The following TMEM132D variants were observed in gnomAD, a reference collection of about 807,000 sequenced individuals.
TMEM132D encodes transmembrane protein 132D.
Under a neutral mutation model 62.3 loss-of-function variants are expected in TMEM132D, and 21 were observed. The observed-to-expected ratio is 0.34, with a 90% CI of 0.24 to 0.49. The LOEUF is 0.49. Ranked by LOEUF, TMEM132D falls within the 20% of genes least tolerant of loss-of-function variation. The pLI is 0.99. For missense variants in TMEM132D, 1,346 were observed against 1,402.8 expected, an observed-to-expected ratio of 0.96 and a Z score of 0.65; for synonymous variants, 621 against 575.6, an observed-to-expected ratio of 1.08 and a Z score of -1.13.
intron 2 of TMEM132D, among the ~76,000 whole-genome samples, chr12:129,594,222 G>A (rs1402815042): frequency 6.6e-6 from 1 of 152,272 alleles, no homozygotes; most frequent in East Asian, 1.9e-4. Context: ...AAGCTGATTT[G>A]GCTTAGCAAC....
At chr12:129,700,840 C>A in intron 1 of TMEM132D, 142 bp from the exon 2 acceptor site, 1 of 923,476 alleles carries the variant, frequency 1.1e-6, no homozygotes, top group Non-Finnish European at 1.6e-6. Context: ...CCTCTTAATC[C>A]AATCTACTCG....
At chr12:129,139,087 G>A (rs1299664784) in intron 5 of TMEM132D, among the ~76,000 whole-genome samples, 3 of 152,192 alleles carry the variant, frequency 2.0e-5, no homozygotes, top group African/African-American at 7.2e-5. Flanking sequence ...GGCGCACAGG[G>A]AGTAGGAGTG....
intron 4 of TMEM132D, among the ~76,000 whole-genome samples, chr12:129,220,734 C>T (rs1330755229): frequency 6.6e-6 from 1 of 152,084 alleles, no homozygotes; most frequent in Non-Finnish European, 1.5e-5. Context: ...CCACCACAGA[C>T]TAAATTTGAG....
chr12:129,675,268 T>G (rs1185839882), intron 2 of TMEM132D, among the ~76,000 whole-genome samples: 1 of 150,476 alleles, frequency 6.6e-6, no homozygotes, highest in East Asian at 2.0e-4. Context: ...CAAACTAACA[T>G]AGGAACAGAA....
At chr12:129,237,783 A>G (rs1308848773) in intron 4 of TMEM132D, among the ~76,000 whole-genome samples, 1 of 152,116 alleles carries the variant, frequency 6.6e-6, no homozygotes, top group Non-Finnish European at 1.5e-5. Flanking sequence ...GTTTGAGACC[A>G]GCCTGGCCAA....
At chr12:129,151,216 C>T (rs916957955) in intron 5 of TMEM132D, among the ~76,000 whole-genome samples, 3 of 152,168 alleles carry the variant, frequency 2.0e-5, no homozygotes, top group South Asian at 2.1e-4. Flanking sequence ...TCTGCCACAG[C>T]GATCCAGAGG....
At chr12:129,440,955 TC>T (rs1872919994) in intron 3 of TMEM132D, among the ~76,000 whole-genome samples, 1 of 152,202 alleles carries the variant, frequency 6.6e-6, no homozygotes, top group South Asian at 2.1e-4. Flanking sequence ...CGGATTTGCA[TC>T]CATTATTATG....
chr12:129,193,373 C>A (rs1007068924), intron 5 of TMEM132D, among the ~76,000 whole-genome samples: 2 of 151,728 alleles, frequency 1.3e-5, no homozygotes, highest in African/African-American at 4.8e-5. Context: ...GTAAATAATT[C>A]TCCATCGCAG....
intron 5 of TMEM132D, among the ~76,000 whole-genome samples, chr12:129,194,639 C>A (rs892893157): frequency 5.9e-5 from 9 of 152,154 alleles, no homozygotes; most frequent in African/African-American, 2.2e-4. Flanking sequence ...AAACATTATC[C>A]ATTAATTCAG....
At chr12:129,768,619 G>C (rs4760010) in intron 1 of TMEM132D, among the ~76,000 whole-genome samples, 146,342 of 152,190 alleles carry the variant, frequency 0.96, 70,620 homozygotes, top group East Asian at 1. Context: ...TACATCATCA[G>C]TTCAAGACCT....
chr12:129,077,534 ACAAACACATG>A (rs570030738), intron 8 of TMEM132D, among the ~76,000 whole-genome samples: 157 of 152,274 alleles, frequency 1.0e-3, no homozygotes, highest in African/African-American at 3.7e-3. Context: ...GTATCCACAT[ACAAACACATG>A]CATCACACAC....
intron 8 of TMEM132D, among the ~76,000 whole-genome samples, chr12:129,077,850 A>G (rs1468977556): frequency 6.9e-6 from 1 of 145,938 alleles, no homozygotes; most frequent in Non-Finnish European, 1.6e-5. Flanking sequence ...AACACAAAAT[A>G]CTGACACAAG....
chr12:129,313,123 C>A (rs1334992322), intron 4 of TMEM132D, among the ~76,000 whole-genome samples: 1 of 152,058 alleles, frequency 6.6e-6, no homozygotes, highest in African/African-American at 2.4e-5. Context: ...AACTGTTGAA[C>A]CTGGGGTTCA....
chr12:129,207,734 C>T (rs769146227), intron 5 of TMEM132D, among the ~76,000 whole-genome samples: 7 of 150,140 alleles, frequency 4.7e-5, no homozygotes, highest in Non-Finnish European at 1.0e-4. Flanking sequence ...TTGGCTTTTA[C>T]TGTGAGGAGG....
intron 2 of TMEM132D, among the ~76,000 whole-genome samples, chr12:129,677,978 G>A (rs1473715201): frequency 6.6e-6 from 1 of 151,980 alleles, no homozygotes; most frequent in East Asian, 1.9e-4. Context: ...TACAGAGATT[G>A]CTCATTGATG....
At chr12:129,209,484 G>C in intron 5 of TMEM132D, 36 bp downstream of exon 5, 1 of 1,610,886 alleles carries the variant, frequency 6.2e-7, no homozygotes, top group East Asian at 2.2e-5. Context: ...TGACATGACA[G>C]CAGGTTTCTG....
At position 129,439,945 on chromosome 12, in the gene TMEM132D, T is replaced by C. The variant is rs1017624968; in HGVS notation, c.1115+91114A>G. 2.0e-5 allele frequency among the ~76,000 whole-genome samples: 3 copies of C among 152,170 alleles called. No individual in the cohort carries two copies. The East Asian group carries it at 5.8e-4, about 29-fold the overall frequency. On this transcript the variant is annotated intron_variant, in intron 3 of 8. Transcript: ENST00000422113. The stretch of plus-strand genomic sequence containing the variant: ...AGATGCTTGAAGGATTATGTCATGG[T>C]TCCAAGATCTCTGTTTTCCGTGTTC...
At chr12:129,416,707 G>A (rs1253758491) in intron 3 of TMEM132D, among the ~76,000 whole-genome samples, 1 of 152,106 alleles carries the variant, frequency 6.6e-6, no homozygotes, top group African/African-American at 2.4e-5. Context: ...AGTATTTTGA[G>A]ATATGTTCCA....
intron 4 of TMEM132D, among the ~76,000 whole-genome samples, chr12:129,258,298 C>T (rs955591912): frequency 2.0e-5 from 3 of 151,898 alleles, no homozygotes; most frequent in Admixed American, 6.6e-5. Flanking sequence ...ATAGAACATG[C>T]TAGCAAAGAT....
Sources: allele counts gnomAD v4.1 joint callset (sites outside exome capture counted in the v4.1 genomes callset), GRCh38; gene constraint gnomAD v4.1.1; transcripts MANE v1.5; gene names NCBI Gene and HGNC (gene_info 2026-07-23, HGNC 2026-07-21).